The following PTGDR variants were observed in gnomAD, a reference collection of about 807,000 sequenced individuals.
The protein encoded by PTGDR is PGD2 receptor.
PTGDR carries 19 observed loss-of-function variants against 17.4 expected under a neutral mutation model. The ratio of observed to expected loss-of-function variants is 1.09; its 90% CI spans 0.76 to 1.60. The LOEUF is 1.60. Among genes scored for constraint, PTGDR ranks in the 40% most tolerant of loss-of-function variants. The pLI, the probability that PTGDR is intolerant of heterozygous loss-of-function variation, is 0.00. For missense variants in PTGDR, 526 were observed against 481.9 expected, an observed-to-expected ratio of 1.09 and a Z score of -0.86; for synonymous variants, 267 against 224.2, an observed-to-expected ratio of 1.19 and a Z score of -1.71.
chr14:52,268,497 T>C lies in PTGDR; in HGVS notation c.683T>C (p.Met228Thr). The change falls in exon 1 of 2, where the codon ATG (methionine) becomes ACG (threonine). Residue 228 changes from methionine (M) to threonine (T), a missense_variant. Coordinates refer to ENST00000306051, the MANE Select transcript of PTGDR (RefSeq NM_000953.3). ...NLGAMRNLYA[M>T]HRRLQRHPRS... ...GGCGCCATGCGCAACCTCTATGCGA[T>C]GCACCGGCGGCTGCAGCGGCACCCG... is the stretch of plus-strand genomic sequence containing the variant. 6.2e-7 allele frequency: 1 copy of C among 1,610,994 alleles called. No homozygotes were observed. The highest frequency in any genetic ancestry group is 8.5e-7 in the Non-Finnish European group (1 of 1,179,806).
chr14:52,272,306 A>G (rs566697619), intron 1 of PTGDR, among the ~76,000 whole-genome samples: 1 of 152,014 alleles, frequency 6.6e-6, no homozygotes, highest in East Asian at 1.9e-4. Flanking sequence ...TGCCTCTACA[A>G]AAAAAATAAA....
At position 52,274,719 on chromosome 14, in the gene PTGDR, T is replaced by C. The variant is rs775246977; in HGVS notation, c.847-12T>C. 1 of 1,574,866 alleles carries C rather than the reference T, an allele frequency of 6.3e-7. No homozygotes were observed. The highest frequency in any genetic ancestry group is 8.7e-7 in the Non-Finnish European group (1 of 1,145,044). On this transcript the variant is annotated splice_polypyrimidine_tract_variant and intron_variant, in intron 1 of 1. Transcript: ENST00000306051. ...TTTCCACATCATAATGGAATGTTTT[T>C]CTTCAAAACAGTATCGCGCTTACTA...
In PTGDR at chr14:52,274,841, C is replaced by T. The variant is rs201206441; in HGVS notation, c.957C>T (p.Asp319=). The T allele has an allele frequency of 6.2e-7, 1 of 1,610,992 alleles. No individual in the cohort carries two copies. Among genetic ancestry groups the T allele is most frequent in the African/African-American group, 1.3e-5 (1 of 74,986 alleles). The change falls in exon 2 of 2, where the codon GAC becomes GAT. Residue 319 remains aspartate (D), a synonymous_variant. Coordinates refer to ENST00000306051, the MANE Select transcript of PTGDR (RefSeq NM_000953.3). ...TTCTATCTGTGATTTCAATTGTGGA[C>T]CCTTGGATTTTTATCATTTTCAGAT... The part of the protein sequence containing the change: ...LRFLSVISIV[D]PWIFIIFRSP...
Position 52,268,235 on chromosome 14 carries a change from C to G in PTGDR, c.421C>G (p.Arg141Gly). 6.2e-7 allele frequency: 1 copy of G among 1,614,054 alleles called. No individual in the cohort carries two copies. The highest frequency in any genetic ancestry group is 8.5e-7 in the Non-Finnish European group (1 of 1,180,048). Residue 141 changes from arginine to glycine, a missense_variant, in exon 1 of 2, where the codon CGA (arginine) becomes GGA (glycine). Transcript: ENST00000306051. ...CTCCCTAGGGCACCCTTTCTTCTAC[C>G]GACGGCACATCACCCTGCGCCTGGG... is the stretch of plus-strand genomic sequence containing the variant. ...WLSLGHPFFY[R>G]RHITLRLGAL... is the part of the protein sequence containing the mutation.
chr14:52,275,002 C>A lies in PTGDR; in HGVS notation c.*38C>A. ...CTCTGTGGTAAGCTGAGGAATATGTCACATTTTCAGTCAAAGAACCATGAT... is the reference window on the plus strand; with the variant it reads ...CTCTGTGGTAAGCTGAGGAATATGTAACATTTTCAGTCAAAGAACCATGAT... On this transcript the variant is annotated 3_prime_UTR_variant, in exon 2 of 2. Transcript: ENST00000306051. 1 of 1,364,850 alleles carries A rather than the reference C, an allele frequency of 7.3e-7. No homozygotes were observed. Among genetic ancestry groups the A allele is most frequent in the Non-Finnish European group, 1.0e-6 (1 of 986,700 alleles). The allele number at this position is 1,364,850 out of a possible 1,614,324, so 84.5% of individuals were successfully genotyped here. A position where few individuals can be genotyped will look rare whatever the true frequency, so the allele number is the denominator to read the frequency against.
Position 52,267,705 on chromosome 14 carries a change from A to G in PTGDR, c.-110A>G. The G allele has an allele frequency of 2.1e-6, 3 of 1,424,994 alleles. No individual in the cohort carries two copies. Among genetic ancestry groups the G allele is most frequent in the Non-Finnish European group, 2.7e-6 (3 of 1,096,590 alleles). The allele number at this position is 1,424,994 out of a possible 1,614,324, so 88.3% of individuals were successfully genotyped here. A position where few individuals can be genotyped will look rare whatever the true frequency, so the allele number is the denominator to read the frequency against. ...GCCCTCGGAGCTTTTTCTGTGGCGC[A>G]GCTTCTCCGCCCGAGCCGCGCGCGG... On this transcript the variant is annotated 5_prime_UTR_variant, in exon 1 of 2. Transcript: ENST00000306051.
Position 52,267,991 on chromosome 14 carries a change from G to C in PTGDR, c.177G>C (p.Ser59=). The C allele has an allele frequency of 1.2e-6, 2 of 1,609,740 alleles. No individual in the cohort carries two copies. The highest frequency in any genetic ancestry group is 8.5e-7 in the Non-Finnish European group (1 of 1,179,952). Residue 59 remains serine, a synonymous_variant, in exon 1 of 2, where the codon TCG becomes TCC. Coordinates refer to ENST00000306051, the MANE Select transcript of PTGDR (RefSeq NM_000953.3). ...GGCGTCCACTGCGCCCGCTGCCCTC[G>C]GTCTTCTACATGCTGGTGTGTGGCC... is the stretch of plus-strand genomic sequence containing the variant. ...CSRRPLRPLP[S]VFYMLVCGLT... is the part of the protein sequence containing the mutation.
At position 52,268,637 on chromosome 14, in the gene PTGDR, A is replaced by T. The variant is rs757083210; in HGVS notation, c.823A>T (p.Thr275Ser). ...LLLALMTVLF[T>S]MCSLPVIYRA... ...GCTGGCGCTGATGACCGTGCTCTTC[A>T]CTATGTGTTCTCTGCCCGTAATTGT... The change falls in exon 1 of 2, where the codon ACT (threonine) becomes TCT (serine). Residue 275 changes from threonine (T) to serine (S), a missense_variant. Thr to Ser is a moderately conservative substitution (Grantham distance 58). Transcript: ENST00000306051. The T allele has an allele frequency of 1.6e-5, 25 of 1,592,868 alleles. No individual in the cohort carries two copies. The highest frequency in any genetic ancestry group is 2.1e-5 in the Non-Finnish European group (25 of 1,169,822).
At chr14:52,271,618 T>A (rs923238719) in intron 1 of PTGDR, among the ~76,000 whole-genome samples, 1 of 152,200 alleles carries the variant, frequency 6.6e-6, no homozygotes, top group African/African-American at 2.4e-5. Flanking sequence ...ACAAAAGTAC[T>A]GAAAACAGTC....
chr14:52,279,519 G>T (rs1159657315), downstream of PTGDR, among the ~76,000 whole-genome samples: 1 of 152,142 alleles, frequency 6.6e-6, no homozygotes, highest in Non-Finnish European at 1.5e-5. Flanking sequence ...GTGAGGCTAG[G>T]ATTGCTGGTC....
In PTGDR at chr14:52,268,406, G is replaced by C; in HGVS notation, c.592G>C (p.Gly198Arg). The change falls in exon 1 of 2, where the codon GGG becomes CGG. Residue 198 changes from glycine (G) to arginine (R), a missense_variant. Gly to Arg is a moderately radical substitution (Grantham distance 125). Transcript: ENST00000306051. ...CGAGGAGGGCTCGCTGTCGGTGCTG[G>C]GGTACTCTGTGCTCTACTCCAGCCT... ...VHEEGSLSVL[G>R]YSVLYSSLMA... 3.1e-6 allele frequency: 5 copies of C among 1,611,334 alleles called. No individual in the cohort carries two copies. The highest frequency in any genetic ancestry group is 4.2e-6 in the Non-Finnish European group (5 of 1,180,034).
rs776010493 is a variant in PTGDR at position 52,274,735 on chromosome 14, G to A, written c.851G>A (p.Arg284His). 14 of 1,605,496 alleles carry A rather than the reference G, an allele frequency of 8.7e-6. No individual in the cohort carries two copies. The highest frequency in any genetic ancestry group is 2.2e-5 in the South Asian group (2 of 90,902). ...FTMCSLPVIY[R>H]AYYGAFKDVK... ...GAATGTTTTTCTTCAAAACAGTATCGCGCTTACTATGGAGCATTTAAGGAT... is the reference window on the plus strand; with the variant it reads ...GAATGTTTTTCTTCAAAACAGTATCACGCTTACTATGGAGCATTTAAGGAT... Residue 284 changes from arginine (R) to histidine (H), a missense_variant, in exon 2 of 2, where the codon CGC becomes CAC. Coordinates refer to ENST00000306051, the MANE Select transcript of PTGDR (RefSeq NM_000953.3).
chr14:52,273,202 G>A (rs1011132601), intron 1 of PTGDR, among the ~76,000 whole-genome samples: 2 of 151,774 alleles, frequency 1.3e-5, no homozygotes, highest in Admixed American at 6.6e-5. Context: ...TAGTAGAGAC[G>A]GTGTTTCACC....
Position 52,268,670 on chromosome 14 carries a change from C to G in PTGDR, c.846+10C>G. The G allele has an allele frequency of 6.4e-7, 1 of 1,553,686 alleles. No individual in the cohort carries two copies. Among genetic ancestry groups the G allele is most frequent in the Non-Finnish European group, 8.7e-7 (1 of 1,147,930 alleles). ...TTCTCTGCCCGTAATTGTGAGTCCC[C>G]GGGCCCCGAGGCAGCAGGGCACTGA... On this transcript the variant is annotated intron_variant, in intron 1 of 1. Transcript: ENST00000306051.
intron 1 of PTGDR, among the ~76,000 whole-genome samples, chr14:52,274,310 C>G (rs2033378065): frequency 6.6e-6 from 1 of 152,110 alleles, no homozygotes; most frequent in Non-Finnish European, 1.5e-5. Context: ...AGATAGGAAG[C>G]AGGGAGAAGA....
Position 52,274,898 on chromosome 14 carries a change from T to G in PTGDR, c.1014T>G (p.Ile338Met), listed in dbSNP as rs2033393863. The change falls in exon 2 of 2, where the codon ATT becomes ATG. Residue 338 changes from isoleucine (I) to methionine (M), a missense_variant. By Grantham distance (10) the Ile-to-Met change is conservative (BLOSUM62 1). Coordinates refer to ENST00000306051, the MANE Select transcript of PTGDR (RefSeq NM_000953.3). ...TATTTCGGATATTTTTTCACAAGAT[T>G]TTCATTAGACCTCTTAGGTACAGGA... Reference protein sequence around the residue: ...SPVFRIFFHKIFIRPLRYRSR... With the variant: ...SPVFRIFFHKMFIRPLRYRSR... 1.2e-6 allele frequency: 2 copies of G among 1,607,694 alleles called. No individual in the cohort carries two copies. The highest frequency in any genetic ancestry group is 2.7e-5 in the African/African-American group (2 of 74,750).
chr14:52,272,571 ATGT>A lies in PTGDR; in HGVS notation c.847-2154_847-2152del, dbSNP rs2033341959. ...GATGGAGTTGGGAGTCATTGAAATA[ATGT>A]TGTTGCCACCTCCTGGACATCCCTG... is the stretch of plus-strand genomic sequence containing the variant. On this transcript the variant is annotated intron_variant, in intron 1 of 1. Transcript: ENST00000306051. Among the ~76,000 whole-genome samples, 5 of 152,224 alleles carry A rather than the reference ATGT, an allele frequency of 3.3e-5. 1 individual carries two copies. Among genetic ancestry groups the A allele is most frequent in the African/African-American group, 1.2e-4 (5 of 41,516 alleles).
Position 52,275,026 on chromosome 14 carries a change from ATT to A in PTGDR, c.*63_*64del. 8.0e-7 allele frequency: 1 copy of A among 1,243,002 alleles called. No homozygotes were observed. The allele number at this position is 1,243,002 out of a possible 1,614,324, so 77.0% of individuals were successfully genotyped here. A position where few individuals can be genotyped will look rare whatever the true frequency, so the allele number is the denominator to read the frequency against. ...TCACATTTTCAGTCAAAGAACCATG[ATT>A]AAAAAAAAAAAGACAACTTACAATT... On this transcript the variant is annotated 3_prime_UTR_variant, in exon 2 of 2. Transcript: ENST00000306051.
chr14:52,270,745 G>A (rs2033309662), intron 1 of PTGDR, among the ~76,000 whole-genome samples: 1 of 152,098 alleles, frequency 6.6e-6, no homozygotes, highest in Non-Finnish European at 1.5e-5. Context: ...ACTTATCTAT[G>A]CTGTGACAAA....
Sources: allele counts gnomAD v4.1 joint callset (sites outside exome capture counted in the v4.1 genomes callset), GRCh38; gene constraint gnomAD v4.1.1; transcripts MANE v1.5; gene names NCBI Gene and HGNC (gene_info 2026-07-23, HGNC 2026-07-21).